TPRG1: variants seen among roughly 807,000 people sequenced by gnomAD.
TPRG1 encodes tumor protein p63-regulated gene 1 protein.
In TPRG1, 29 loss-of-function variants were observed where a neutral mutation model predicts 29.3. That is an observed-to-expected ratio of 0.99 (90% CI 0.74 to 1.35). The LOEUF (loss-of-function observed/expected upper bound fraction) is 1.35. Ranked by LOEUF, TPRG1 falls within the 40% of genes most tolerant of loss-of-function variation. TPRG1 has a pLI of 0.00. For synonymous variants in TPRG1, 130 were observed against 116.8 expected (o/e 1.11, Z -0.73); for missense variants, 327 against 335.0 (o/e 0.98, Z 0.19).
chr3:189,237,406 A>G (rs1008615872), intron 3 of TPRG1, among the ~76,000 whole-genome samples: 6 of 152,204 alleles, frequency 3.9e-5, no homozygotes, highest in Admixed American at 3.3e-4. Flanking sequence ...CTGATTGGTC[A>G]GTGCCCACAT....
chr3:189,124,567 TACAC>T lies in TPRG1; in HGVS notation c.-743-2480_-743-2477del, dbSNP rs533158661. ...GTGTGTGTGTGTGTGTATATATATATACACACACACACATACGTGTACATATATT... is the reference window on the plus strand; with the variant it reads ...GTGTGTGTGTGTGTGTATATATATATACACACACATACGTGTACATATATT... On this transcript the variant is annotated intron_variant, in intron 1 of 6. Coordinates refer to the TPRG1 transcript ENST00000412373. Among the ~76,000 whole-genome samples the T allele has an allele frequency of 4.3e-3, 647 of 151,206 alleles. 3 individuals are homozygous for T. Among genetic ancestry groups the T allele is most frequent in the Non-Finnish European group, 6.7e-3 (452 of 67,698 alleles).
intron 1 of TPRG1, among the ~76,000 whole-genome samples, chr3:189,199,154 A>G (rs1578781503): frequency 6.6e-6 from 1 of 152,204 alleles, no homozygotes; most frequent in Non-Finnish European, 1.5e-5. Context: ...GAGGGAAGTC[A>G]TAAAACAACA....
At chr3:189,144,939 G>A (rs1384341501) in intron 3 of TPRG1, among the ~76,000 whole-genome samples, 3 of 152,204 alleles carry the variant, frequency 2.0e-5, no homozygotes, top group Admixed American at 6.5e-5. Context: ...TAAAAATGAC[G>A]CTTGAGCCTT....
intron 3 of TPRG1, among the ~76,000 whole-genome samples, chr3:189,006,415 C>T (rs1031207432): frequency 3.9e-5 from 6 of 152,090 alleles, no homozygotes; most frequent in African/African-American, 1.4e-4. Flanking sequence ...GAGAAGGTAG[C>T]GGTGTCCAGA....
chr3:189,095,422 G>A (rs180789255), upstream of TPRG1, among the ~76,000 whole-genome samples: 31 of 152,230 alleles, frequency 2.0e-4, no homozygotes, highest in African/African-American at 6.5e-4. Flanking sequence ...ATGTCTCTGC[G>A]GTGGCATGCA....
intron 3 of TPRG1, among the ~76,000 whole-genome samples, chr3:189,229,139 G>T (rs1006317216): frequency 3.9e-5 from 6 of 152,056 alleles, no homozygotes; most frequent in African/African-American, 1.4e-4. Context: ...TAAATGAAGA[G>T]GCATACCGGG....
intron 4 of TPRG1, among the ~76,000 whole-genome samples, chr3:189,094,972 C>T (rs748362971): frequency 4.1e-4 from 62 of 152,118 alleles, no homozygotes; most frequent in Non-Finnish European, 7.9e-4. Context: ...AGGCACTCTC[C>T]GTTCTGGGGC....
intron 3 of TPRG1, among the ~76,000 whole-genome samples, chr3:189,136,139 T>C (rs1318266231): frequency 6.6e-6 from 1 of 152,212 alleles, no homozygotes; most frequent in Admixed American, 6.5e-5. Flanking sequence ...CACCAACTTA[T>C]AGTTGATGCT....
intron 4 of TPRG1, among the ~76,000 whole-genome samples, chr3:189,298,871 A>C (rs1310644535): frequency 6.6e-6 from 1 of 152,166 alleles, no homozygotes; most frequent in Admixed American, 6.5e-5. Flanking sequence ...ATTCCTCCAA[A>C]AGTGGGGAAA....
At chr3:189,006,516 G>T (rs191417337) in intron 3 of TPRG1, among the ~76,000 whole-genome samples, 4 of 152,262 alleles carry the variant, frequency 2.6e-5, no homozygotes, top group Admixed American at 2.0e-4. Context: ...TGCTCTGAAA[G>T]AGTGGCTCTC....
intron 1 of TPRG1, among the ~76,000 whole-genome samples, chr3:189,191,453 C>A (rs1331281923): frequency 6.6e-6 from 1 of 152,158 alleles, no homozygotes; most frequent in Non-Finnish European, 1.5e-5. Context: ...TTTTCTCTCT[C>A]CCTGGATGGA....
intron 4 of TPRG1, among the ~76,000 whole-genome samples, chr3:189,072,014 T>C (rs1716839133): frequency 6.6e-6 from 1 of 152,194 alleles, no homozygotes; most frequent in South Asian, 2.1e-4. Context: ...TGAGAAGTAG[T>C]AATCAGGGAA....
At chr3:189,194,971 G>A (rs1321345544) in intron 1 of TPRG1, among the ~76,000 whole-genome samples, 2 of 152,106 alleles carry the variant, frequency 1.3e-5, no homozygotes, top group South Asian at 2.1e-4. Flanking sequence ...AAAGGTACTA[G>A]ACTTATTTGG....
At chr3:189,264,800 C>T (rs546248769) in intron 4 of TPRG1, among the ~76,000 whole-genome samples, 1 of 152,172 alleles carries the variant, frequency 6.6e-6, no homozygotes, top group African/African-American at 2.4e-5. Context: ...CCTTCCTTCC[C>T]CAAATATTCA....
At chr3:189,315,706 C>T (rs1478667971) in intron 5 of TPRG1, 1 of 270,812 alleles carries the variant, frequency 3.7e-6, no homozygotes, top group Non-Finnish European at 7.5e-6. Context: ...CCTTTGTTTG[C>T]CTTTTACAAC....
chr3:189,251,573 G>A (rs967479699), intron 4 of TPRG1, among the ~76,000 whole-genome samples: 6 of 152,178 alleles, frequency 3.9e-5, no homozygotes, highest in Non-Finnish European at 7.3e-5. Flanking sequence ...TTCTTAGAGA[G>A]GGGGATGTGG....
intron 1 of TPRG1, among the ~76,000 whole-genome samples, chr3:189,176,445 G>T (rs1408229666): frequency 6.6e-6 from 1 of 152,038 alleles, no homozygotes; most frequent in Non-Finnish European, 1.5e-5. Flanking sequence ...TCTGGTAATA[G>T]CAGCAGTGAA....
intron 1 of TPRG1, among the ~76,000 whole-genome samples, chr3:189,200,241 C>T (rs908251565): frequency 6.6e-6 from 1 of 152,150 alleles, no homozygotes; most frequent in African/African-American, 2.4e-5. Flanking sequence ...GGCATGTTAT[C>T]ACTAATATAC....
chr3:189,158,046 G>C (rs1726932096), intron 5 of TPRG1, among the ~76,000 whole-genome samples: 1 of 152,174 alleles, frequency 6.6e-6, no homozygotes, highest in African/African-American at 2.4e-5. Context: ...CTTCTCACGG[G>C]GAGCACGTTT....
Sources: gnomAD v4.1 joint callset for allele counts (sites outside exome capture counted in the v4.1 genomes callset) on GRCh38, gnomAD v4.1.1 for gene constraint, MANE v1.5 for transcripts, NCBI Gene and HGNC (gene_info 2026-07-23, HGNC 2026-07-21) for gene names.